XIRP2: variants seen among roughly 807,000 people sequenced by gnomAD.
XIRP2 encodes the protein xin actin-binding repeat-containing protein 2.
Under a neutral mutation model 277.0 loss-of-function variants are expected in XIRP2, and 236 were observed. The ratio of observed to expected loss-of-function variants is 0.85; its 90% CI spans 0.77 to 0.95. XIRP2 has a LOEUF of 0.95. Ranked by LOEUF, XIRP2 falls within the 40% of genes least tolerant of loss-of-function variation. The pLI, the probability that XIRP2 is intolerant of heterozygous loss-of-function variation, is 0.00. For synonymous variants in XIRP2, 1,490 were observed against 1,416.5 expected (o/e 1.05, Z -1.17); for missense variants, 4,640 against 4,157.5 (o/e 1.12, Z -3.19).
At chr2:167,178,403 T>C (rs1191778754) in intron 3 of XIRP2, among the ~76,000 whole-genome samples, 1 of 152,188 alleles carries the variant, frequency 6.6e-6, no homozygotes, top group Non-Finnish European at 1.5e-5. Flanking sequence ...AAATGAAGTA[T>C]AATGTGAGCT....
In XIRP2 at chr2:166,957,493, G is replaced by A. The variant is rs115067048; in HGVS notation, c.408+53603G>A. Among the ~76,000 whole-genome samples, 795 of 151,640 alleles carry A rather than the reference G, an allele frequency of 5.2e-3. 8 individuals carry two copies. The highest frequency in any genetic ancestry group is 0.018 in the African/African-American group (765 of 41,420). On this transcript the variant is annotated intron_variant, in intron 2 of 10. Coordinates refer to ENST00000409195, the MANE Select transcript of XIRP2 (RefSeq NM_152381.6). ...ATTTAATAAATGGACTAACATAAGG[G>A]CTTAATACCAATAATTATCTCTATT...
At chr2:167,026,571 A>T (rs1319505784) in intron 2 of XIRP2, among the ~76,000 whole-genome samples, 1 of 152,070 alleles carries the variant, frequency 6.6e-6, no homozygotes, top group Non-Finnish European at 1.5e-5. Flanking sequence ...ACATTTTGGC[A>T]TGTTTTTGCA....
rs752033369 is a variant in XIRP2 at position 167,259,006 on chromosome 2, C to T, written c.*1189C>T. 1.2e-6 allele frequency: 2 copies of T among 1,610,264 alleles called. No homozygotes were observed. Among genetic ancestry groups the T allele is most frequent in the Non-Finnish European group, 1.7e-6 (2 of 1,177,590 alleles). The stretch of plus-strand genomic sequence containing the variant: ...CAATCATCTCTCCTGATACAAATCT[C>T]TTAAACATTAAAGGAAGCCATTCAA... On this transcript the variant is annotated 3_prime_UTR_variant, in exon 11 of 11. Coordinates refer to ENST00000409195, the MANE Select transcript of XIRP2 (RefSeq NM_152381.6).
intron 2 of XIRP2, among the ~76,000 whole-genome samples, chr2:166,951,528 A>G (rs1464744351): frequency 1.3e-5 from 2 of 151,992 alleles, no homozygotes; most frequent in Non-Finnish European, 2.9e-5. Context: ...CAGAGTGGAA[A>G]AAAAAAATTT....
At chr2:167,184,741 T>C in intron 3 of XIRP2, 1 of 649,626 alleles carries the variant, frequency 1.5e-6, no homozygotes, top group Non-Finnish European at 2.8e-6. Flanking sequence ...GATGTCACTT[T>C]CTATTTGTCT....
chr2:167,155,669 C>G (rs1188941655), intron 3 of XIRP2, among the ~76,000 whole-genome samples: 1 of 151,902 alleles, frequency 6.6e-6, no homozygotes, highest in African/African-American at 2.4e-5. Flanking sequence ...TGGAAGCATT[C>G]CCTTTGAAAA....
chr2:167,184,176 T>A (rs894254609), intron 3 of XIRP2, among the ~76,000 whole-genome samples: 4 of 152,192 alleles, frequency 2.6e-5, no homozygotes, highest in Admixed American at 2.6e-4. Flanking sequence ...CTGTCTCCCA[T>A]CTGCTAGGGC....
At chr2:167,100,001 C>T (rs555324505) in intron 2 of XIRP2, among the ~76,000 whole-genome samples, 94 of 152,056 alleles carry the variant, frequency 6.2e-4, no homozygotes, top group African/African-American at 2.0e-3. Flanking sequence ...ACAAAACTCT[C>T]ATCCAAATTA....
intron 3 of XIRP2, among the ~76,000 whole-genome samples, chr2:167,147,302 G>C (rs1042788421): frequency 6.6e-6 from 1 of 152,154 alleles, no homozygotes; most frequent in African/African-American, 2.4e-5. Context: ...TGCAAACCCT[G>C]TATCTCCAAA....
At chr2:167,077,077 C>T (rs1243224233) in intron 2 of XIRP2, among the ~76,000 whole-genome samples, 1 of 151,940 alleles carries the variant, frequency 6.6e-6, no homozygotes, top group Admixed American at 6.6e-5. Context: ...CTCACAAACT[C>T]CTGAGCTCAA....
intron 2 of XIRP2, among the ~76,000 whole-genome samples, chr2:167,085,290 G>T (rs1689899315): frequency 6.6e-6 from 1 of 151,850 alleles, no homozygotes; most frequent in Non-Finnish European, 1.5e-5. Context: ...TAGTTTGATT[G>T]CACTGTGGTC....
In XIRP2 at chr2:167,224,467, A is replaced by C. The variant is rs12623717; in HGVS notation, c.858+6167A>C. On this transcript the variant is annotated intron_variant, in intron 5 of 10. Transcript: ENST00000409195. The stretch of plus-strand genomic sequence containing the variant: ...TCACCATTTTTCTCAGACTGGTCTC[A>C]AACTCCTGAGCTCAAGTGATCTACC... Among the ~76,000 whole-genome samples the C allele has an allele frequency of 3.3e-3, 494 of 151,884 alleles. 23 individuals are homozygous for C. The East Asian group carries it at 0.068, about 21-fold the overall frequency.
chr2:166,987,598 A>G (rs1687039469), intron 2 of XIRP2, among the ~76,000 whole-genome samples: 1 of 152,248 alleles, frequency 6.6e-6, no homozygotes, highest in African/African-American at 2.4e-5. Context: ...ATAAATCTTT[A>G]TTCTATAAAA....
At chr2:167,162,789 A>G (rs557265326) in intron 3 of XIRP2, among the ~76,000 whole-genome samples, 2 of 152,308 alleles carry the variant, frequency 1.3e-5, no homozygotes, top group African/African-American at 4.8e-5. Flanking sequence ...GTTCATCACC[A>G]CAGAGTGCTC....
At chr2:167,163,961 A>G (rs1175880002) in intron 3 of XIRP2, among the ~76,000 whole-genome samples, 1 of 152,140 alleles carries the variant, frequency 6.6e-6, no homozygotes, top group African/African-American at 2.4e-5. Context: ...AACATAATAC[A>G]TTGTATTCTG....
At chr2:167,043,992 G>A (rs1358750371) in intron 2 of XIRP2, among the ~76,000 whole-genome samples, 3 of 151,834 alleles carry the variant, frequency 2.0e-5, no homozygotes, top group African/African-American at 7.3e-5. Flanking sequence ...TGTCAGGCCA[G>A]TATTCCTGAT....
intron 2 of XIRP2, among the ~76,000 whole-genome samples, chr2:167,044,972 G>T (rs1438055926): frequency 6.6e-6 from 1 of 151,672 alleles, no homozygotes; most frequent in Admixed American, 6.6e-5. Flanking sequence ...AAAGCCAGAG[G>T]CATCACAATT....
intron 2 of XIRP2, among the ~76,000 whole-genome samples, chr2:167,133,002 G>C (rs1691431627): frequency 6.6e-6 from 1 of 152,276 alleles, no homozygotes; most frequent in South Asian, 2.1e-4. Flanking sequence ...GTAGTTGGTT[G>C]TTGAACATTA....
In XIRP2 at chr2:167,244,874, A is replaced by T. The variant is rs761984612; in HGVS notation, c.3482A>T (p.Asp1161Val). ...AAACAGGAGGAGATCCAAGGTGGGG[A>T]TGTTCGTACAGCATGTTTTCTTTTT... is the stretch of plus-strand genomic sequence containing the variant. The part of the protein sequence containing the change: ...TVKQEEIQGG[D>V]VRTACFLFET... Residue 1161 changes from aspartate (D) to valine (V), a missense_variant, in exon 9 of 11, where the codon GAT becomes GTT. Physicochemically the swap from Asp to Val is radical, Grantham distance 152. Transcript: ENST00000409195. The T allele has an allele frequency of 1.2e-6, 2 of 1,613,664 alleles. No individual in the cohort carries two copies. Among genetic ancestry groups the T allele is most frequent in the South Asian group, 1.1e-5 (1 of 91,042 alleles).
Sources: gnomAD v4.1 joint callset for allele counts (sites outside exome capture counted in the v4.1 genomes callset) on GRCh38, gnomAD v4.1.1 for gene constraint, MANE v1.5 for transcripts, NCBI Gene and HGNC (gene_info 2026-07-23, HGNC 2026-07-21) for gene names.